Variants in LAMC3 observed in about 807,000 individuals in gnomAD.
The protein encoded by LAMC3 is laminin subunit gamma-3.
LAMC3 carries 128 observed loss-of-function variants against 173.8 expected under a neutral mutation model. That is an observed-to-expected ratio of 0.74 (90% CI 0.64 to 0.85). The LOEUF (loss-of-function observed/expected upper bound fraction) is 0.85. Ranked by LOEUF, LAMC3 falls within the 40% of genes least tolerant of loss-of-function variation. LAMC3 has a pLI of 0.00. For missense variants in LAMC3, 2,022 were observed against 2,156.0 expected, an observed-to-expected ratio of 0.94 and a Z score of 1.23; for synonymous variants, 897 against 909.1, an observed-to-expected ratio of 0.99 and a Z score of 0.24.
chr9:131,067,665 A>G (rs971806800), intron 14 of LAMC3, among the ~76,000 whole-genome samples: 41 of 151,924 alleles, frequency 2.7e-4, no homozygotes, highest in African/African-American at 8.5e-4. Flanking sequence ...GCTCCTGCTC[A>G]CTCTCGCTTT....
intron 12 of LAMC3, among the ~76,000 whole-genome samples, chr9:131,058,901 GAA>G (rs975126656): frequency 6.9e-6 from 1 of 143,908 alleles, no homozygotes; most frequent in Admixed American, 6.9e-5. Context: ...GAGGAAAAAA[GAA>G]AAAAAAAAAG....
At chr9:131,081,985 T>G in intron 23 of LAMC3, 74 bp from the exon 24 acceptor site, 1 of 1,082,372 alleles carries the variant, frequency 9.2e-7, no homozygotes, top group Non-Finnish European at 1.4e-6. Context: ...TATGTGGGTT[T>G]GGTGCCCACT....
At chr9:131,075,732 A>G in intron 20 of LAMC3, 99 bp from the exon 21 acceptor site, 1 of 1,337,428 alleles carries the variant, frequency 7.5e-7, no homozygotes, top group Non-Finnish European at 1.0e-6. Context: ...GTCCTCTGTT[A>G]GGGGCAGCAG....
rs757754930 is a variant in LAMC3, at chr9:131,057,104, C to A, written c.2115C>A (p.Val705=). 1.9e-6 allele frequency: 3 copies of A among 1,614,146 alleles called. No individual in the cohort carries two copies. The highest frequency in any genetic ancestry group is 2.5e-6 in the Non-Finnish European group (3 of 1,180,028). The change falls in exon 12 of 28, where the codon GTC becomes GTA. Residue 705 remains valine (V), a synonymous_variant. Coordinates refer to ENST00000361069, the MANE Select transcript of LAMC3 (RefSeq NM_006059.4). The part of the protein sequence containing the change: ...MPQGGPYASC[V]PCTCNQHGTC... ...AGGGGGGTCCCTATGCCAGCTGTGTCCCCTGCACCTGTAACCAGCATGGCA... is the reference window on the plus strand; with the variant it reads ...AGGGGGGTCCCTATGCCAGCTGTGTACCCTGCACCTGTAACCAGCATGGCA...
intron 24 of LAMC3, 30 bp from the exon 25 acceptor site, chr9:131,085,494 C>T (rs774583985): frequency 6.2e-7 from 1 of 1,612,644 alleles, no homozygotes; most frequent in Admixed American, 1.7e-5. Context: ...GAGCCCAGTT[C>T]CCCTGACCCA....
chr9:131,037,266 C>T (rs1440498007), intron 4 of LAMC3, among the ~76,000 whole-genome samples: 2 of 152,228 alleles, frequency 1.3e-5, no homozygotes, highest in East Asian at 1.9e-4. Flanking sequence ...TCCATGGTCA[C>T]GTCTGTCTCT....
chr9:131,023,811 C>G (rs902583088), intron 1 of LAMC3, among the ~76,000 whole-genome samples: 5 of 152,086 alleles, frequency 3.3e-5, no homozygotes, highest in Non-Finnish European at 7.4e-5. Context: ...GTCATGTTGC[C>G]CTGGCTAGTT....
At chr9:131,028,263 G>A (rs1220409330) in intron 2 of LAMC3, among the ~76,000 whole-genome samples, 8 of 152,160 alleles carry the variant, frequency 5.3e-5, no homozygotes, top group South Asian at 2.1e-4. Context: ...TACCCCGTTC[G>A]TGGAAAAATC....
intron 11 of LAMC3, among the ~76,000 whole-genome samples, chr9:131,055,634 C>G (rs1834389466): frequency 6.6e-6 from 1 of 151,358 alleles, no homozygotes; most frequent in South Asian, 2.1e-4. Flanking sequence ...ACCGTGTTAG[C>G]CAGGATGGTC....
At chr9:131,052,452 C>G (rs762725723) in intron 9 of LAMC3, 39 bp from the exon 10 acceptor site, 1 of 1,515,478 alleles carries the variant, frequency 6.6e-7, no homozygotes. Flanking sequence ...TCAAGCTAAC[C>G]ATATGAAGAC....
chr9:131,039,550 G>T (rs1029097093), intron 6 of LAMC3, among the ~76,000 whole-genome samples: 4 of 152,034 alleles, frequency 2.6e-5, no homozygotes, highest in Non-Finnish European at 5.9e-5. Flanking sequence ...GAGGTGGGGT[G>T]GGGGGCACGG....
chr9:131,044,458 T>C (rs184822060), intron 7 of LAMC3, among the ~76,000 whole-genome samples: 236 of 152,170 alleles, frequency 1.6e-3, no homozygotes, highest in African/African-American at 5.0e-3. Flanking sequence ...TACAGTGAGC[T>C]GAAATCGTGC....
chr9:131,032,177 TAGGAGGG>T lies in LAMC3; in HGVS notation c.809+13_809+19del, dbSNP rs763259337. The T allele has an allele frequency of 1.1e-4, 176 of 1,532,834 alleles. No individual in the cohort carries two copies. The highest frequency in any genetic ancestry group is 6.1e-4 in the South Asian group (55 of 90,076). The allele number at this position is 1,532,834 out of a possible 1,614,324, so 95.0% of individuals were successfully genotyped here. On this transcript the variant is annotated splice_donor_5th_base_variant and intron_variant, in intron 3 of 27. Transcript: ENST00000361069. ...GTCCGACTTCTCTGTGGGCGGCAGG[TAGGAGGG>T]AGGAGGGAGGCAGGGTGGCAGGGCT...
chr9:131,061,736 C>T (rs1203003852), intron 13 of LAMC3, among the ~76,000 whole-genome samples: 1 of 152,114 alleles, frequency 6.6e-6, no homozygotes, highest in Admixed American at 6.6e-5. Flanking sequence ...ATTCATATAC[C>T]TGACAGTTCA....
intron 7 of LAMC3, among the ~76,000 whole-genome samples, chr9:131,044,649 T>C (rs1175270323): frequency 6.6e-6 from 1 of 152,226 alleles, no homozygotes; most frequent in Non-Finnish European, 1.5e-5. Flanking sequence ...TTGGATGTCA[T>C]GTGGGTTTCC....
At chr9:131,077,564 C>T (rs1479196603) in intron 22 of LAMC3, among the ~76,000 whole-genome samples, 1 of 151,316 alleles carries the variant, frequency 6.6e-6, no homozygotes, top group Non-Finnish European at 1.5e-5. Flanking sequence ...GTAACCCCAG[C>T]TACTGGAGAG....
At chr9:131,070,850 A>AAGT (rs1230650985) in intron 17 of LAMC3, among the ~76,000 whole-genome samples, 5 of 152,234 alleles carry the variant, frequency 3.3e-5, no homozygotes, top group Admixed American at 2.6e-4. Context: ...TGAAGACCAC[A>AAGT]AGTAGCCTTT....
At chr9:131,085,387 G>A in intron 24 of LAMC3, 137 bp from the exon 25 acceptor site, 1 of 803,280 alleles carries the variant, frequency 1.2e-6, no homozygotes, top group Non-Finnish European at 2.2e-6. Context: ...AAGGCGATAT[G>A]CACGTTGCAT....
intron 3 of LAMC3, among the ~76,000 whole-genome samples, chr9:131,033,806 T>A (rs921507622): frequency 1.3e-5 from 2 of 151,776 alleles, no homozygotes; most frequent in Non-Finnish European, 2.9e-5. Flanking sequence ...CCATGGGCCA[T>A]GGGAGTGGGG....
Sources: gnomAD v4.1 joint callset for allele counts (sites outside exome capture counted in the v4.1 genomes callset) on GRCh38, gnomAD v4.1.1 for gene constraint, MANE v1.5 for transcripts, NCBI Gene and HGNC (gene_info 2026-07-23, HGNC 2026-07-21) for gene names.